LRP1B: variants seen among roughly 807,000 people sequenced by gnomAD.
The protein encoded by LRP1B is LDL receptor related protein 1B.
LRP1B carries 217 observed loss-of-function variants against 556.6 expected under a neutral mutation model. The observed-to-expected ratio is 0.39, with a 90% CI of 0.35 to 0.44. LRP1B has a LOEUF of 0.44. LRP1B is among the 20% of genes least tolerant of loss of function. The pLI is 1.00. For synonymous variants in LRP1B, 2,047 were observed against 1,865.8 expected (o/e 1.10, Z -2.50); for missense variants, 5,053 against 5,620.8 (o/e 0.90, Z 3.23).
chr2:141,786,994 T>G (rs1380037704), intron 2 of LRP1B, among the ~76,000 whole-genome samples: 1 of 151,974 alleles, frequency 6.6e-6, no homozygotes, highest in Non-Finnish European at 1.5e-5. Flanking sequence ...TCAACATCAC[T>G]TGGTCATGTT....
chr2:141,114,356 A>T (rs974650412), intron 7 of LRP1B, among the ~76,000 whole-genome samples: 1 of 152,196 alleles, frequency 6.6e-6, no homozygotes, highest in African/African-American at 2.4e-5. Flanking sequence ...TCTGGTGGCC[A>T]GGAAGAATCA....
chr2:140,838,369 C>T (rs1691986812), intron 31 of LRP1B, among the ~76,000 whole-genome samples: 1 of 152,026 alleles, frequency 6.6e-6, no homozygotes, highest in African/African-American at 2.4e-5. Context: ...GAAGTATTAG[C>T]GTTTCAATTT....
At chr2:140,408,882 TGAGTA>T (rs1447836396) in intron 66 of LRP1B, among the ~76,000 whole-genome samples, 1 of 151,870 alleles carries the variant, frequency 6.6e-6, no homozygotes, top group Non-Finnish European at 1.5e-5. Flanking sequence ...CCAGGGTAGC[TGAGTA>T]GAGTATGAAC....
chr2:140,324,018 C>A lies in LRP1B; in HGVS notation c.12389G>T (p.Gly4130Val), dbSNP rs2105059469. The A allele has an allele frequency of 6.2e-7, 1 of 1,610,340 alleles. No individual in the cohort carries two copies. Residue 4130 changes from glycine (G) to valine (V), a missense_variant, in exon 81 of 91, where the codon GGA becomes GTA. Around this residue, in one of 5 missense-constraint regions of LRP1B, gnomAD observed 551 missense variants for 592.0 expected, o/e 0.93. Transcript: ENST00000389484. ...RIDIFEDYIY[G>V]AGPKNGVFRV... ...AAATACACCATTTTTAGGTCCTGCT[C>A]CATATATATAATCTTCAAAGATATC...
At chr2:141,383,286 T>A (rs549477044) in intron 3 of LRP1B, among the ~76,000 whole-genome samples, 2 of 152,080 alleles carry the variant, frequency 1.3e-5, no homozygotes. Flanking sequence ...ACAACTATAA[T>A]GGAAAACAGT....
At chr2:141,803,842 T>C (rs986096562) in intron 2 of LRP1B, among the ~76,000 whole-genome samples, 1 of 152,176 alleles carries the variant, frequency 6.6e-6, no homozygotes, top group African/African-American at 2.4e-5. Flanking sequence ...AGGATTTCTA[T>C]CTTATATCCA....
At chr2:141,172,715 G>GAC (rs1553470383) in intron 7 of LRP1B, among the ~76,000 whole-genome samples, 1 of 151,782 alleles carries the variant, frequency 6.6e-6, no homozygotes, top group Non-Finnish European at 1.5e-5. Flanking sequence ...AATAGAATCT[G>GAC]ATATATATAT....
intron 11 of LRP1B, among the ~76,000 whole-genome samples, chr2:141,037,935 G>A (rs1274773063): frequency 6.6e-6 from 1 of 151,426 alleles, no homozygotes; most frequent in Admixed American, 6.6e-5. Flanking sequence ...TACCCCTCAA[G>A]AGAGTCTATT....
chr2:141,499,047 G>A (rs1324082460), intron 2 of LRP1B, among the ~76,000 whole-genome samples: 1 of 152,060 alleles, frequency 6.6e-6, no homozygotes, highest in Non-Finnish European at 1.5e-5. Context: ...AGAAACTACA[G>A]AAGAGAATTC....
At chr2:140,700,000 T>C (rs1393309777) in intron 41 of LRP1B, among the ~76,000 whole-genome samples, 4 of 146,604 alleles carry the variant, frequency 2.7e-5, no homozygotes, top group South Asian at 2.1e-4. Flanking sequence ...AGAAACATTA[T>C]GATAAAACAT....
intron 6 of LRP1B, among the ~76,000 whole-genome samples, chr2:141,212,276 TTTTTTTTTTTTTTTTTTTTTG>T (rs1682594460): frequency 2.6e-5 from 2 of 77,314 alleles, no homozygotes; most frequent in South Asian, 6.4e-4. Flanking sequence ...TTTTTTTTTT[TTTTTTTTTTTTTTTTTTTTTG>T]TGACTGAGCC....
chr2:140,923,097 C>G lies in LRP1B; in HGVS notation c.3187G>C (p.Asp1063His), dbSNP rs145911859. Reference sequence around the variant, plus strand: ...CACAAATCAGGAACGCAATTACCATCAGGGTGGCACTGAAATTCATTTCCG... The same window carrying G: ...CACAAATCAGGAACGCAATTACCATGAGGGTGGCACTGAAATTCATTTCCG... ...CNGNEFQCHP[D>H]GNCVPDLWRC... is the part of the protein sequence containing the mutation. The change falls in exon 21 of 91, where the codon GAT becomes CAT. Residue 1063 changes from aspartate to histidine, a missense_variant. This residue lies in a region of LRP1B where 3,619 missense variants were observed against 3,931.9 expected (regional missense o/e 0.92). Coordinates refer to ENST00000389484, the MANE Select transcript of LRP1B (RefSeq NM_018557.3). 1.2e-6 allele frequency: 2 copies of G among 1,612,394 alleles called. No homozygotes were observed. Among genetic ancestry groups the G allele is most frequent in the Non-Finnish European group, 8.5e-7 (1 of 1,179,136 alleles).
intron 2 of LRP1B, among the ~76,000 whole-genome samples, chr2:141,493,551 G>C (rs1440857637): frequency 1.3e-5 from 2 of 152,158 alleles, no homozygotes; most frequent in Admixed American, 6.6e-5. Flanking sequence ...CTGGCTGTGG[G>C]AGAAAGGGAG....
At chr2:140,762,202 G>A (rs969279920) in intron 35 of LRP1B, among the ~76,000 whole-genome samples, 1 of 152,080 alleles carries the variant, frequency 6.6e-6, no homozygotes, top group Non-Finnish European at 1.5e-5. Flanking sequence ...ATCAAATGTG[G>A]ATTATGTCAC....
chr2:140,490,026 T>C (rs1688635553), intron 57 of LRP1B, among the ~76,000 whole-genome samples: 1 of 152,084 alleles, frequency 6.6e-6, no homozygotes, highest in Admixed American at 6.6e-5. Context: ...CAGAATCATA[T>C]GCAAGAAACA....
intron 1 of LRP1B, among the ~76,000 whole-genome samples, chr2:141,967,747 G>A (rs1183211506): frequency 6.6e-6 from 1 of 151,754 alleles, no homozygotes; most frequent in East Asian, 1.9e-4. Flanking sequence ...AAGAGAAGAT[G>A]TGTACTTATT....
chr2:140,628,721 G>T (rs1039168827), intron 41 of LRP1B, among the ~76,000 whole-genome samples: 3 of 151,984 alleles, frequency 2.0e-5, no homozygotes, highest in Non-Finnish European at 2.9e-5. Context: ...GTTAGGATTT[G>T]CATCCCCACC....
At chr2:140,984,131 G>A (rs894787913) in intron 17 of LRP1B, among the ~76,000 whole-genome samples, 5 of 151,772 alleles carry the variant, frequency 3.3e-5, no homozygotes, top group Admixed American at 2.0e-4. Context: ...TACTTGACAG[G>A]AAGGGGTAAA....
intron 2 of LRP1B, among the ~76,000 whole-genome samples, chr2:141,668,490 C>T (rs959441833): frequency 3.3e-5 from 5 of 152,068 alleles, no homozygotes; most frequent in South Asian, 2.1e-4. Flanking sequence ...AGAAAGTCAG[C>T]GTGGCAGAGA....
Sources: allele counts gnomAD v4.1 joint callset (sites outside exome capture counted in the v4.1 genomes callset), GRCh38; gene constraint gnomAD v4.1.1; regional missense constraint gnomAD v4.1.1; transcripts MANE v1.5; gene names NCBI Gene and HGNC (gene_info 2026-07-23, HGNC 2026-07-21).